Variants in FBXO25 observed in about 807,000 individuals in gnomAD.
FBXO25 encodes F-box protein 25.
A neutral mutation model predicts 51.9 loss-of-function variants in FBXO25; 45 were observed. The ratio of observed to expected loss-of-function variants is 0.87; its 90% CI spans 0.68 to 1.11. The LOEUF (loss-of-function observed/expected upper bound fraction) is 1.11. Among genes scored for constraint, FBXO25 ranks in the 50% most tolerant of loss-of-function variants. FBXO25 has a pLI of 0.00. For synonymous variants in FBXO25, 199 were observed against 151.0 expected (o/e 1.32, Z -2.33); for missense variants, 507 against 428.5 (o/e 1.18, Z -1.62).
intron 2 of FBXO25, among the ~76,000 whole-genome samples, chr8:416,165 G>A (rs1223252611): frequency 2.0e-5 from 3 of 152,160 alleles, no homozygotes; most frequent in Non-Finnish European, 4.4e-5. Flanking sequence ...CTATGTGCCG[G>A]TAGGGCCCCC....
intron 5 of FBXO25, among the ~76,000 whole-genome samples, chr8:437,864 T>C (rs2335279): frequency 1.6e-4 from 25 of 152,178 alleles, no homozygotes; most frequent in Non-Finnish European, 1.0e-4. Flanking sequence ...GATTGTCTTG[T>C]AGTTCTACTA....
At chr8:440,022 A>C (rs1379822762) in intron 5 of FBXO25, among the ~76,000 whole-genome samples, 1 of 152,244 alleles carries the variant, frequency 6.6e-6, no homozygotes, top group Non-Finnish European at 1.5e-5. Context: ...TAGCAACTTA[A>C]TAGCAGCAGC....
At chr8:452,057 G>C (rs774094528) in intron 7 of FBXO25, among the ~76,000 whole-genome samples, 2 of 152,138 alleles carry the variant, frequency 1.3e-5, no homozygotes, top group Non-Finnish European at 2.9e-5. Flanking sequence ...ATATCTTAGC[G>C]GTGTGCCTTA....
intron 5 of FBXO25, among the ~76,000 whole-genome samples, chr8:440,314 C>A (rs576229122): frequency 2.6e-5 from 4 of 152,322 alleles, no homozygotes; most frequent in African/African-American, 9.6e-5. Context: ...TCTGTGTTAG[C>A]CACTATTTTG....
intron 9 of FBXO25, among the ~76,000 whole-genome samples, chr8:463,557 CA>C (rs1799954819): frequency 6.6e-6 from 1 of 152,214 alleles, no homozygotes; most frequent in African/African-American, 2.4e-5. Context: ...TTTATGTCCC[CA>C]CCGACTCTGC....
intron 5 of FBXO25, among the ~76,000 whole-genome samples, chr8:448,663 G>C (rs1798886166): frequency 6.6e-6 from 1 of 152,250 alleles, no homozygotes; most frequent in East Asian, 1.9e-4. Context: ...GGGTGACGGA[G>C]CAGAGTGTGA....
chr8:419,666 A>G (rs1797034041), intron 2 of FBXO25, among the ~76,000 whole-genome samples: 1 of 152,200 alleles, frequency 6.6e-6, no homozygotes, highest in African/African-American at 2.4e-5. Flanking sequence ...TGAACTCAAA[A>G]TGGATCATAT....
chr8:450,969 G>T (rs899955552), intron 6 of FBXO25: 1 of 230,802 alleles, frequency 4.3e-6, no homozygotes, highest in Non-Finnish European at 8.3e-6. Context: ...CTGTCTCTAC[G>T]AGTTTGACTA....
chr8:433,570 C>CT (rs950758059), intron 4 of FBXO25, among the ~76,000 whole-genome samples: 1 of 152,104 alleles, frequency 6.6e-6, no homozygotes, highest in African/African-American at 2.4e-5. Context: ...CCAAGTTGGG[C>CT]TAAAGCTTTT....
intron 5 of FBXO25, among the ~76,000 whole-genome samples, chr8:437,012 A>G (rs1798143594): frequency 6.6e-6 from 1 of 152,158 alleles, no homozygotes; most frequent in African/African-American, 2.4e-5. Flanking sequence ...GGGGGCATCC[A>G]TAGACCAGGA....
At chr8:409,915 T>C (rs181674725) in intron 1 of FBXO25, among the ~76,000 whole-genome samples, 9 of 152,350 alleles carry the variant, frequency 5.9e-5, no homozygotes, top group African/African-American at 2.2e-4. Flanking sequence ...TAGTCGCTTA[T>C]GTACCAGTCC....
At chr8:455,526 G>C (rs1182991727) in intron 7 of FBXO25, among the ~76,000 whole-genome samples, 1 of 152,200 alleles carries the variant, frequency 6.6e-6, no homozygotes, top group African/African-American at 2.4e-5. Flanking sequence ...GGCAGACTGG[G>C]CTCGAGGCTG....
At chr8:434,383 G>C (rs1347306855) in intron 4 of FBXO25, among the ~76,000 whole-genome samples, 1 of 152,200 alleles carries the variant, frequency 6.6e-6, no homozygotes, top group Non-Finnish European at 1.5e-5. Flanking sequence ...AGCTGTGATG[G>C]ATTTCAGATT....
In FBXO25 at chr8:475,028, G is replaced by C. The variant is rs1011548866; in HGVS notation, c.*6224G>C. 1 of 407,378 alleles carries C rather than the reference G, an allele frequency of 2.5e-6. No individual in the cohort carries two copies. 25.2% of individuals were successfully genotyped at this position (407,378 alleles called of 1,614,324 possible). A position where few individuals can be genotyped will look rare whatever the true frequency, so the allele number is the denominator to read the frequency against. The stretch of plus-strand genomic sequence containing the variant: ...TGTGTGCCTCTGGTGTCATATCTAA[G>C]AAATCACTGCCAAATCCAATGTTGT... On this transcript the variant is annotated 3_prime_UTR_variant, in exon 10 of 10. Transcript: ENST00000350302.
At chr8:459,465 G>A (rs1389309645) in intron 8 of FBXO25, among the ~76,000 whole-genome samples, 2 of 152,244 alleles carry the variant, frequency 1.3e-5, no homozygotes, top group African/African-American at 2.4e-5. Context: ...TGTCCTGTGA[G>A]CTCAGGGGAG....
chr8:468,787 G>C lies in FBXO25; in HGVS notation c.1060G>C (p.Asp354His). 6.2e-7 allele frequency: 1 copy of C among 1,613,874 alleles called. No homozygotes were observed. The highest frequency in any genetic ancestry group is 8.5e-7 in the Non-Finnish European group (1 of 1,180,002). ...FTPVSPQHFIDLFKF is the reference protein window; with the variant it reads ...FTPVSPQHFIHLFKF ...GCCTGTGTCTCCGCAGCACTTCATC[G>C]ACCTCTTCAAGTTTTAAGGGCTGCC... The change falls in exon 10 of 10, where the codon GAC becomes CAC. Residue 354 changes from aspartate (D) to histidine (H), a missense_variant. Transcript: ENST00000350302.
chr8:431,398 G>GA lies in FBXO25; in HGVS notation c.199dup (p.Arg67LysfsTer7). 2.6e-6 allele frequency: 4 copies of GA among 1,546,740 alleles called. No individual in the cohort carries two copies. The highest frequency in any genetic ancestry group is 2.3e-5 in the East Asian group (1 of 42,804). On this transcript the variant is annotated frameshift_variant, in exon 3 of 10. Coordinates refer to ENST00000350302, the MANE Select transcript of FBXO25 (RefSeq NM_183420.2). LOFTEE classifies it high-confidence loss of function. ...ATAATGAAGAGCATGAATATGCATC[G>GA]AAAAAAAGGAAAAAGGACCATTTTA...
chr8:456,587 A>G (rs760336669), intron 7 of FBXO25, among the ~76,000 whole-genome samples: 1 of 152,176 alleles, frequency 6.6e-6, no homozygotes, highest in Non-Finnish European at 1.5e-5. Context: ...CGTGGGTCCC[A>G]TCAGCTGTAG....
At chr8:432,547 C>T (rs952493368) in intron 3 of FBXO25, among the ~76,000 whole-genome samples, 2 of 152,198 alleles carry the variant, frequency 1.3e-5, no homozygotes, top group African/African-American at 2.4e-5. Context: ...GTACCATACA[C>T]AGCAACAGAA....
Sources: gnomAD v4.1 joint callset for allele counts (sites outside exome capture counted in the v4.1 genomes callset) on GRCh38, gnomAD v4.1.1 for gene constraint, MANE v1.5 for transcripts, NCBI Gene and HGNC (gene_info 2026-07-23, HGNC 2026-07-21) for gene names.